ANKRD62: variants seen among roughly 807,000 people sequenced by gnomAD.
The protein encoded by ANKRD62 is ankyrin repeat domain 62, also known as ankyrin repeat domain-containing protein 62.
A neutral mutation model predicts 98.8 loss-of-function variants in ANKRD62; 61 were observed. The observed-to-expected ratio is 0.62, with a 90% CI of 0.50 to 0.76. The LOEUF is 0.76. Ranked by LOEUF, ANKRD62 falls within the 30% of genes least tolerant of loss-of-function variation. The probability of loss-of-function intolerance (pLI) is 0.00; values close to 1 mark genes in which losing one functional copy is unlikely to be tolerated. For missense variants in ANKRD62, 933 were observed against 1,082.9 expected, an observed-to-expected ratio of 0.86 and a Z score of 1.94; for synonymous variants, 341 against 367.9, an observed-to-expected ratio of 0.93 and a Z score of 0.84.
chr18:12,165,353 C>T, the ANKRD62 span, among the ~76,000 whole-genome samples: 1 of 151,836 alleles, frequency 6.6e-6, no homozygotes, highest in Non-Finnish European at 1.5e-5. Context: ...TTTTCTTCCT[C>T]CCTATCTTCC....
At chr18:12,165,314 ATT>A in the ANKRD62 span, among the ~76,000 whole-genome samples, 1 of 151,620 alleles carries the variant, frequency 6.6e-6, no homozygotes, top group Non-Finnish European at 1.5e-5. Context: ...GCATTTTGTT[ATT>A]TGTTTTCTAG....
the ANKRD62 span, among the ~76,000 whole-genome samples, chr18:12,145,156 G>T: frequency 2.1e-5 from 3 of 145,132 alleles, no homozygotes; most frequent in Non-Finnish European, 4.6e-5. Flanking sequence ...TGTGCTGGGG[G>T]ACCACTTCTG....
In ANKRD62 at chr18:12,095,186, G is replaced by A. The variant is rs1457705785; in HGVS notation, c.234G>A (p.Leu78=). The part of the protein sequence containing the change: ...RDKKNRTALL[L]ACAHGRPGVV... The stretch of plus-strand genomic sequence containing the variant: ...ATTCTCACAGGACTGCTCTACTTTT[G>A]GCGTGTGCCCATGGCCGTCCAGGAG... Residue 78 remains leucine, a synonymous_variant, in exon 2 of 14, where the codon TTG becomes TTA. Coordinates refer to ENST00000587848, the MANE Select transcript of ANKRD62 (RefSeq NM_001277333.2). 132 of 1,536,398 alleles carry A rather than the reference G, an allele frequency of 8.6e-5. No individual in the cohort carries two copies. Among genetic ancestry groups the A allele is most frequent in the Non-Finnish European group, 1.1e-4 (130 of 1,146,830 alleles).
At chr18:12,159,747 C>CTTATTATTATTATTA in the ANKRD62 span, among the ~76,000 whole-genome samples, 56 of 152,186 alleles carry the variant, frequency 3.7e-4, no homozygotes, top group Non-Finnish European at 6.0e-4. Context: ...AGTGGTGGTT[C>CTTATTATTATTATTA]TTATAATTAT....
At chr18:12,174,651 G>C in the ANKRD62 span, among the ~76,000 whole-genome samples, 10 of 152,140 alleles carry the variant, frequency 6.6e-5, no homozygotes, top group African/African-American at 2.4e-4. Flanking sequence ...AATCTTTGAG[G>C]TTGCTGACCT....
intron 10 of ANKRD62, among the ~76,000 whole-genome samples, chr18:12,122,059 T>C (rs1909793520): frequency 6.6e-6 from 1 of 152,246 alleles, no homozygotes; most frequent in Admixed American, 6.5e-5. Context: ...TCTTATAGCA[T>C]CTATCCGAAT....
intron 10 of ANKRD62, 68 bp downstream of exon 10, chr18:12,115,602 C>T (rs1909647103): frequency 7.3e-7 from 1 of 1,363,672 alleles, no homozygotes; most frequent in Non-Finnish European, 9.8e-7. Flanking sequence ...TATTGCTTAG[C>T]ACGGCACCAT....
In ANKRD62 at chr18:12,096,306, C is replaced by T. The variant is rs756049270; in HGVS notation, c.614+4C>T. 6.0e-6 allele frequency: 9 copies of T among 1,489,286 alleles called. No individual in the cohort carries two copies. Among genetic ancestry groups the T allele is most frequent in the South Asian group, 1.2e-5 (1 of 80,088 alleles). 92.3% of individuals were successfully genotyped at this position (1,489,286 alleles called of 1,614,324 possible). On this transcript the variant is annotated splice_donor_region_variant and intron_variant, in intron 4 of 13. Transcript: ENST00000587848. ...CTGCAATAGATAATTTTGGAAGGTA[C>T]AGTAGTTCTTTTTTTGTTCATTTTT...
rs142416597 is a variant in ANKRD62 at position 12,118,113 on chromosome 18, A to G, written c.1240+2579A>G. Among the ~76,000 whole-genome samples, 67 of 152,276 alleles carry G rather than the reference A, an allele frequency of 4.4e-4. No homozygotes were observed. The East Asian group carries it at 9.3e-3, about 21-fold the overall frequency. On this transcript the variant is annotated intron_variant, in intron 10 of 13. Transcript: ENST00000587848. ...ATAGTGTGCATTGTACACTGGTGCTATACATCGTATGGGTTTGGTCTTAAG... is the reference window on the plus strand; with the variant it reads ...ATAGTGTGCATTGTACACTGGTGCTGTACATCGTATGGGTTTGGTCTTAAG...
the ANKRD62 span, among the ~76,000 whole-genome samples, chr18:12,153,868 A>G: frequency 1.3e-5 from 2 of 152,338 alleles, no homozygotes; most frequent in African/African-American, 4.8e-5. Context: ...AAGATTCCCT[A>G]TTCAGTAAAT....
chr18:12,164,461 C>T, the ANKRD62 span, among the ~76,000 whole-genome samples: 3 of 151,222 alleles, frequency 2.0e-5, no homozygotes, highest in African/African-American at 7.3e-5. Context: ...TTTGTTTAAT[C>T]TTTTGTATTC....
the ANKRD62 span, among the ~76,000 whole-genome samples, chr18:12,139,204 G>A: frequency 6.4e-4 from 98 of 152,026 alleles, 1 homozygote; most frequent in Non-Finnish European, 1.1e-3. Flanking sequence ...TCCATGTTTC[G>A]TGCTTCCTTC....
At chr18:12,163,307 G>A in the ANKRD62 span, among the ~76,000 whole-genome samples, 10 of 152,068 alleles carry the variant, frequency 6.6e-5, no homozygotes, top group Middle Eastern at 3.4e-3. Context: ...CAGATTGTTT[G>A]CTGTCAGCCT....
At chr18:12,140,821 C>T in the ANKRD62 span, among the ~76,000 whole-genome samples, 1 of 152,212 alleles carries the variant, frequency 6.6e-6, no homozygotes, top group African/African-American at 2.4e-5. Context: ...GGCAGTCTGC[C>T]CGTTCTCAGA....
chr18:12,096,537 G>A (rs898154018), intron 4 of ANKRD62, among the ~76,000 whole-genome samples: 1 of 152,154 alleles, frequency 6.6e-6, no homozygotes, highest in Admixed American at 6.5e-5. Context: ...GTTGATGGAT[G>A]AGGTGATACT....
In ANKRD62 at chr18:12,099,673, A is replaced by C; in HGVS notation, c.811A>C (p.Ser271Arg). The change falls in exon 6 of 14, where the codon AGC becomes CGC. Residue 271 changes from serine (S) to arginine (R), a missense_variant. Around this residue, in one of 3 missense-constraint regions of ANKRD62, gnomAD observed 549 missense variants for 587.9 expected, o/e 0.93. Coordinates refer to ENST00000587848, the MANE Select transcript of ANKRD62 (RefSeq NM_001277333.2). Reference sequence around the variant, plus strand: ...CAAGAGATGTAAAAGTCTTCAAAATAGCAATTCAGGTATGACTTCTGATAG... The same window carrying C: ...CAAGAGATGTAAAAGTCTTCAAAATCGCAATTCAGGTATGACTTCTGATAG... ...ANKRCKSLQN[S>R]NSEQDLEMTS... 6.7e-7 allele frequency: 1 copy of C among 1,484,072 alleles called. No individual in the cohort carries two copies. The highest frequency in any genetic ancestry group is 9.0e-7 in the Non-Finnish European group (1 of 1,116,542). The allele number at this position is 1,484,072 out of a possible 1,614,324, so 91.9% of individuals were successfully genotyped here. A position where few individuals can be genotyped will look rare whatever the true frequency, so the allele number is the denominator to read the frequency against.
chr18:12,102,278 G>C (rs1909317215), intron 6 of ANKRD62: 3 of 748,318 alleles, frequency 4.0e-6, no homozygotes, highest in Non-Finnish European at 5.0e-6. Context: ...CACTAGTCCA[G>C]TGGAGAGACG....
At position 12,125,662 on chromosome 18, in the gene ANKRD62, T is replaced by C; in HGVS notation, c.1841T>C (p.Leu614Ser). Residue 614 changes from leucine (L) to serine (S), a missense_variant, in exon 13 of 14, where the codon TTA becomes TCA. Physicochemically the swap from Leu to Ser is moderately radical, Grantham distance 145 (BLOSUM62 -2). Around this residue, in one of 3 missense-constraint regions of ANKRD62, gnomAD observed 362 missense variants for 434.5 expected, o/e 0.83. Coordinates refer to ENST00000587848, the MANE Select transcript of ANKRD62 (RefSeq NM_001277333.2). ...ACTCTCAAGCGGAATGAGGAAGCATTAACAAAAACAATAACCCGGTATAGT... is the reference window on the plus strand; with the variant it reads ...ACTCTCAAGCGGAATGAGGAAGCATCAACAAAAACAATAACCCGGTATAGT... ...EKTLKRNEEA[L>S]TKTITRYSKE... The C allele has an allele frequency of 1.3e-6, 2 of 1,532,642 alleles. No individual in the cohort carries two copies. The highest frequency in any genetic ancestry group is 1.7e-6 in the Non-Finnish European group (2 of 1,145,578). 94.9% of individuals were successfully genotyped at this position (1,532,642 alleles called of 1,614,324 possible).
the ANKRD62 span, among the ~76,000 whole-genome samples, chr18:12,160,134 TAA>T: frequency 6.6e-6 from 1 of 152,320 alleles, no homozygotes; most frequent in East Asian, 1.9e-4. Context: ...CTTTTGACTG[TAA>T]TTAATAGTGC....
Sources: gnomAD v4.1 joint callset for allele counts (sites outside exome capture counted in the v4.1 genomes callset) on GRCh38, gnomAD v4.1.1 for gene constraint, gnomAD v4.1.1 regional missense constraint, MANE v1.5 for transcripts, NCBI Gene and HGNC (gene_info 2026-07-23, HGNC 2026-07-21) for gene names.